The following HECW1 variants were observed in gnomAD, a reference collection of about 807,000 sequenced individuals.
HECW1 encodes E3 ubiquitin-protein ligase HECW1.
Under a neutral mutation model 182.3 loss-of-function variants are expected in HECW1, and 61 were observed. The observed-to-expected ratio is 0.33, with a 90% CI of 0.27 to 0.41. The LOEUF (loss-of-function observed/expected upper bound fraction) is 0.41. Ranked by LOEUF, HECW1 falls within the 10% of genes least tolerant of loss-of-function variation. The probability of loss-of-function intolerance (pLI) is 1.00; values close to 1 mark genes in which losing one functional copy is unlikely to be tolerated. For synonymous variants in HECW1, 859 were observed against 832.6 expected (o/e 1.03, Z -0.55); for missense variants, 1,739 against 2,108.9 (o/e 0.82, Z 3.44).
At chr7:43,175,543 T>C (rs529208448) in intron 2 of HECW1, among the ~76,000 whole-genome samples, 1 of 152,330 alleles carries the variant, frequency 6.6e-6, no homozygotes, top group South Asian at 2.1e-4. Flanking sequence ...CTGACCGAGT[T>C]AGGAGTTTCC....
At chr7:43,179,954 C>A (rs969243086) in intron 2 of HECW1, among the ~76,000 whole-genome samples, 1 of 152,122 alleles carries the variant, frequency 6.6e-6, no homozygotes, top group Non-Finnish European at 1.5e-5. Flanking sequence ...ATACAGGAAC[C>A]TTTGCTTTAT....
rs542490370 is a variant in HECW1, at chr7:43,112,776, G to T, written c.-428G>T. On this transcript the variant is annotated 5_prime_UTR_variant, in exon 1 of 30. Transcript: ENST00000395891. ...CAGTGGCCGTGGCCTCCGCTCTCTC[G>T]GGGCACCCGGCAGCCAGAGCGCAGC... is the stretch of plus-strand genomic sequence containing the variant. 524 of 230,122 alleles carry T rather than the reference G, an allele frequency of 2.3e-3. 10 individuals carry two copies. Among genetic ancestry groups the T allele is most frequent in the Middle Eastern group, 1.3e-3 (1 of 770 alleles). The allele number at this position is 230,122 out of a possible 1,614,324, so 14.3% of individuals were successfully genotyped here.
At chr7:43,532,033 C>T (rs1057090515) in intron 24 of HECW1, among the ~76,000 whole-genome samples, 1 of 152,202 alleles carries the variant, frequency 6.6e-6, no homozygotes. Flanking sequence ...TGCTCCACAG[C>T]TCCACTCAGA....
chr7:43,525,889 A>G (rs1273893266), intron 24 of HECW1, among the ~76,000 whole-genome samples: 1 of 152,220 alleles, frequency 6.6e-6, no homozygotes, highest in African/African-American at 2.4e-5. Context: ...TGATGAATAG[A>G]AAACAAAGGC....
chr7:43,507,868 G>A (rs1478842424), intron 22 of HECW1, 150 bp from the exon 23 acceptor site: 2 of 585,450 alleles, frequency 3.4e-6, no homozygotes, highest in Non-Finnish European at 6.2e-6. Context: ...ATAATCCCTC[G>A]ATGAACTGAC....
intron 2 of HECW1, among the ~76,000 whole-genome samples, chr7:43,134,271 G>A (rs1240571329): frequency 6.6e-6 from 1 of 151,060 alleles, no homozygotes; most frequent in Non-Finnish European, 1.5e-5. Context: ...GTGCATGCCT[G>A]TAATCCCAGC....
At chr7:43,197,666 C>G (rs1377340036) in intron 2 of HECW1, among the ~76,000 whole-genome samples, 2 of 152,132 alleles carry the variant, frequency 1.3e-5, no homozygotes, top group African/African-American at 4.8e-5. Flanking sequence ...ATCAGCAGGA[C>G]TCTGCCCACT....
chr7:43,537,689 C>T (rs2081225477), intron 24 of HECW1, among the ~76,000 whole-genome samples: 1 of 152,140 alleles, frequency 6.6e-6, no homozygotes, highest in Non-Finnish European at 1.5e-5. Flanking sequence ...GTTCATGGCT[C>T]TGGAATATAT....
At chr7:43,526,636 T>C (rs1344884892) in intron 24 of HECW1, among the ~76,000 whole-genome samples, 1 of 152,232 alleles carries the variant, frequency 6.6e-6, no homozygotes, top group African/African-American at 2.4e-5. Context: ...CATTCCTGTA[T>C]TCTCTGGTCT....
chr7:43,298,435 A>G (rs945647756), intron 3 of HECW1, among the ~76,000 whole-genome samples: 4 of 152,216 alleles, frequency 2.6e-5, no homozygotes, highest in Admixed American at 6.5e-5. Context: ...TCCCCCTGAC[A>G]TGTGCTTCTA....
chr7:43,354,290 C>T (rs1814830748), intron 5 of HECW1, among the ~76,000 whole-genome samples: 1 of 151,214 alleles, frequency 6.6e-6, no homozygotes, highest in Non-Finnish European at 1.5e-5. Flanking sequence ...AACAGAAAAC[C>T]ATGACCTCCT....
At chr7:43,179,560 G>GTTTT (rs796490583) in intron 2 of HECW1, among the ~76,000 whole-genome samples, 1 of 148,936 alleles carries the variant, frequency 6.7e-6, no homozygotes, top group Non-Finnish European at 1.5e-5. Flanking sequence ...TAAGTTTGTT[G>GTTTT]TTGTTGTTGT....
chr7:43,336,044 C>T (rs1812138423), intron 5 of HECW1, among the ~76,000 whole-genome samples: 1 of 146,876 alleles, frequency 6.8e-6, no homozygotes, highest in Non-Finnish European at 1.5e-5. Flanking sequence ...CTTTCTCTCT[C>T]CTTCCTTCCT....
intron 3 of HECW1, among the ~76,000 whole-genome samples, chr7:43,262,031 G>A (rs936480612): frequency 2.6e-5 from 4 of 152,004 alleles, no homozygotes; most frequent in African/African-American, 9.7e-5. Context: ...GACCAGCCTG[G>A]ACAGTATGGT....
intron 7 of HECW1, among the ~76,000 whole-genome samples, chr7:43,398,275 T>G (rs2075296443): frequency 6.6e-6 from 1 of 151,876 alleles, no homozygotes; most frequent in African/African-American, 2.4e-5. Flanking sequence ...TGAAATAAAA[T>G]AAAATAAATA....
intron 2 of HECW1, chr7:43,121,766 T>C (rs2152605204): frequency 6.6e-6 from 1 of 152,268 alleles, no homozygotes; most frequent in African/African-American, 2.4e-5. Flanking sequence ...GGAATGAGTA[T>C]CATTATTTGC....
intron 3 of HECW1, among the ~76,000 whole-genome samples, chr7:43,246,565 C>T (rs1020142963): frequency 6.6e-6 from 1 of 152,174 alleles, no homozygotes; most frequent in African/African-American, 2.4e-5. Flanking sequence ...GAAACACTAG[C>T]TAGACCTGAC....
chr7:43,494,855 T>C (rs749131288), intron 19 of HECW1, among the ~76,000 whole-genome samples: 8 of 152,122 alleles, frequency 5.3e-5, no homozygotes, highest in Non-Finnish European at 8.8e-5. Flanking sequence ...GGTCTCAAAG[T>C]CTGGCCCTAA....
chr7:43,449,648 C>T (rs2077168957), intron 11 of HECW1, among the ~76,000 whole-genome samples: 1 of 152,226 alleles, frequency 6.6e-6, no homozygotes, highest in African/African-American at 2.4e-5. Flanking sequence ...CAGTCTCTCT[C>T]CTTTTTGACC....
Sources: allele counts gnomAD v4.1 joint callset (sites outside exome capture counted in the v4.1 genomes callset), GRCh38; gene constraint gnomAD v4.1.1; transcripts MANE v1.5; gene names NCBI Gene and HGNC (gene_info 2026-07-23, HGNC 2026-07-21).